The following CMSS1 variants were observed in gnomAD, a reference collection of about 807,000 sequenced individuals.
The protein encoded by CMSS1 is cms1 ribosomal small subunit homolog, also known as protein CMSS1.
Under a neutral mutation model 43.5 loss-of-function variants are expected in CMSS1, and 33 were observed. The ratio of observed to expected loss-of-function variants is 0.76; its 90% CI spans 0.57 to 1.01. The LOEUF is 1.01. Among genes scored for constraint, CMSS1 ranks in the 50% least tolerant of loss-of-function variants. The pLI, the probability that CMSS1 is intolerant of heterozygous loss-of-function variation, is 0.00. For synonymous variants in CMSS1, 115 were observed against 117.2 expected, an observed-to-expected ratio of 0.98 and a Z score of 0.12; for missense variants, 313 against 326.4, an observed-to-expected ratio of 0.96 and a Z score of 0.32.
intron 1 of CMSS1, among the ~76,000 whole-genome samples, chr3:99,864,914 G>A (rs774615195): frequency 3.3e-5 from 5 of 152,018 alleles, no homozygotes; most frequent in South Asian, 2.1e-4. Flanking sequence ...GTGTATGTGC[G>A]CACACACGCA....
chr3:100,135,827 G>A (rs2066748772), intron 1 of CMSS1, among the ~76,000 whole-genome samples: 1 of 151,934 alleles, frequency 6.6e-6, no homozygotes, highest in Non-Finnish European at 1.5e-5. Context: ...TGATCTTTTT[G>A]TTCTTAGTAC....
At chr3:100,101,961 TA>T (rs1290174772) in intron 1 of CMSS1, among the ~76,000 whole-genome samples, 2 of 152,212 alleles carry the variant, frequency 1.3e-5, no homozygotes, top group Non-Finnish European at 2.9e-5. Flanking sequence ...CATCATTTTT[TA>T]TGGCTGCATA....
At chr3:100,060,871 A>G (rs940211873) in intron 1 of CMSS1, among the ~76,000 whole-genome samples, 1 of 152,158 alleles carries the variant, frequency 6.6e-6, no homozygotes, top group Non-Finnish European at 1.5e-5. Context: ...CGAAAAAATA[A>G]AAATAAAAAA....
chr3:100,175,953 T>C (rs370232324), intron 8 of CMSS1, among the ~76,000 whole-genome samples: 1 of 152,298 alleles, frequency 6.6e-6, no homozygotes. Context: ...GCAGACTCCA[T>C]GGACTCAACT....
chr3:99,996,421 C>T (rs1378262408), intron 1 of CMSS1, among the ~76,000 whole-genome samples: 2 of 152,202 alleles, frequency 1.3e-5, no homozygotes, highest in African/African-American at 4.8e-5. Flanking sequence ...AACTTTCCCA[C>T]ATTTTCCTGT....
At chr3:99,818,329 G>A (rs1942363089) in intron 1 of CMSS1, among the ~76,000 whole-genome samples, 1 of 152,178 alleles carries the variant, frequency 6.6e-6, no homozygotes, top group African/African-American at 2.4e-5. Context: ...TGTGAAGAGA[G>A]GCAACTTTGT....
chr3:100,092,946 A>AT (rs2066138457), intron 1 of CMSS1, among the ~76,000 whole-genome samples: 1 of 151,948 alleles, frequency 6.6e-6, no homozygotes, highest in Non-Finnish European at 1.5e-5. Flanking sequence ...ATTCTCCTGG[A>AT]TACACATAAC....
intron 1 of CMSS1, among the ~76,000 whole-genome samples, chr3:99,819,537 A>G (rs1942389429): frequency 6.6e-6 from 1 of 152,170 alleles, no homozygotes; most frequent in Admixed American, 6.5e-5. Context: ...TATTCTCTTC[A>G]TTTGTATAGG....
intron 1 of CMSS1, among the ~76,000 whole-genome samples, chr3:100,139,062 G>T (rs2066780184): frequency 6.6e-6 from 1 of 152,130 alleles, no homozygotes. Context: ...GAAGCTGGAA[G>T]CCATCATCCT....
chr3:100,062,090 CTTCTTTTTTTTTTTTTTTTTTT>C (rs2065577254), intron 1 of CMSS1, among the ~76,000 whole-genome samples: 1 of 67,880 alleles, frequency 1.5e-5, no homozygotes, highest in Admixed American at 1.7e-4. Flanking sequence ...ATCCTGTCTT[CTTCTTTTTTTTTTTTTTTTTTT>C]TTTTTTTTTT....
intron 1 of CMSS1, among the ~76,000 whole-genome samples, chr3:99,989,422 T>C (rs564508671): frequency 6.6e-6 from 1 of 152,288 alleles, no homozygotes; most frequent in South Asian, 2.1e-4. Context: ...ATAACCCAAT[T>C]ACTGTGTCCC....
chr3:100,031,914 G>A (rs1399317888), intron 1 of CMSS1, among the ~76,000 whole-genome samples: 2 of 152,060 alleles, frequency 1.3e-5, no homozygotes, highest in African/African-American at 4.8e-5. Context: ...AAATTAATGA[G>A]CATGGCTGTG....
intron 1 of CMSS1, among the ~76,000 whole-genome samples, chr3:100,048,749 G>C (rs1027331514): frequency 3.9e-5 from 6 of 152,148 alleles, no homozygotes; most frequent in African/African-American, 1.4e-4. Context: ...CATGGACAAA[G>C]ACTGGGATTC....
At chr3:99,971,696 T>C (rs1179354594) in intron 1 of CMSS1, among the ~76,000 whole-genome samples, 4 of 152,206 alleles carry the variant, frequency 2.6e-5, no homozygotes, top group Non-Finnish European at 5.9e-5. Flanking sequence ...CCTCACACTG[T>C]GGACTCACAG....
intron 1 of CMSS1, among the ~76,000 whole-genome samples, chr3:99,913,122 A>G (rs1287835544): frequency 6.6e-6 from 1 of 152,206 alleles, no homozygotes; most frequent in African/African-American, 2.4e-5. Flanking sequence ...GAGGGCCCTT[A>G]CCAGAATACT....
intron 2 of CMSS1, among the ~76,000 whole-genome samples, chr3:100,151,336 C>T (rs577882002): frequency 6.6e-6 from 1 of 152,326 alleles, no homozygotes; most frequent in Admixed American, 6.5e-5. Flanking sequence ...ATCTCACAGA[C>T]ATGGCTTAAC....
chr3:100,007,017 TACTG>T (rs1375515807), intron 1 of CMSS1, among the ~76,000 whole-genome samples: 1 of 152,240 alleles, frequency 6.6e-6, no homozygotes, highest in African/African-American at 2.4e-5. Flanking sequence ...TTTCATTACT[TACTG>T]GCTTTCTTAG....
intron 1 of CMSS1, among the ~76,000 whole-genome samples, chr3:99,964,761 A>G (rs1208688300): frequency 2.0e-5 from 3 of 152,148 alleles, no homozygotes; most frequent in Non-Finnish European, 2.9e-5. Context: ...GAGGTCCCCT[A>G]GGAGACTAAT....
chr3:100,067,369 A>G (rs1411067631), intron 1 of CMSS1, among the ~76,000 whole-genome samples: 1 of 152,218 alleles, frequency 6.6e-6, no homozygotes, highest in African/African-American at 2.4e-5. Context: ...GAAAGCAGGT[A>G]ACTAAGCACC....
Sources: gnomAD v4.1 joint callset for allele counts (sites outside exome capture counted in the v4.1 genomes callset) on GRCh38, gnomAD v4.1.1 for gene constraint, MANE v1.5 for transcripts, NCBI Gene and HGNC (gene_info 2026-07-23, HGNC 2026-07-21) for gene names.